SH3KBP1: variants seen among roughly 807,000 people sequenced by gnomAD.
SH3KBP1 encodes SH3 domain containing kinase binding protein 1, also known as SH3 domain-containing kinase-binding protein 1.
Under a neutral mutation model 50.1 loss-of-function variants are expected in SH3KBP1, and 8 were observed. That is an observed-to-expected ratio of 0.16 (90% CI 0.09 to 0.29). SH3KBP1 has a LOEUF of 0.29. SH3KBP1 is among the 10% of genes least tolerant of loss of function. The probability of loss-of-function intolerance (pLI) is 1.00; values close to 1 mark genes in which losing one functional copy is unlikely to be tolerated. For missense variants in SH3KBP1, 377 were observed against 535.2 expected, an observed-to-expected ratio of 0.70 and a Z score of 2.92; for synonymous variants, 227 against 218.6, an observed-to-expected ratio of 1.04 and a Z score of -0.34.
Position 19,569,200 on chromosome X carries a change from A to T in SH3KBP1, c.1299-12T>A. 1 of 1,180,731 alleles carries T rather than the reference A, an allele frequency of 8.5e-7. No individual in the cohort carries two copies. The highest frequency in any genetic ancestry group is 1.8e-5 in the South Asian group (1 of 56,220). On this transcript the variant is annotated splice_polypyrimidine_tract_variant and intron_variant, in intron 12 of 17. Coordinates refer to ENST00000397821, the MANE Select transcript of SH3KBP1 (RefSeq NM_031892.3). ...TTGGACTGTCACCCCTACATTAAAA[A>T]CACAAGCCCAGACATTTAATAATTG...
At chrX:19,830,343 A>G (rs2067833220) in intron 2 of SH3KBP1, among the ~76,000 whole-genome samples, 1 of 96,636 alleles carries the variant, frequency 1.0e-5, no homozygotes, top group Non-Finnish European at 2.0e-5. Context: ...ACGTAGAAAC[A>G]AAAAAAAAAA....
In SH3KBP1 at chrX:19,776,795, C is replaced by T. The variant is rs1468761893; in HGVS notation, c.163-30354G>A. On this transcript the variant is annotated intron_variant, in intron 2 of 17. Coordinates refer to ENST00000397821, the MANE Select transcript of SH3KBP1 (RefSeq NM_031892.3). ...TCTCAAACTCCTGGCCTCAAGTGAT[C>T]CTCCTGCCTCAGCCTCCCAAAGCAC... Among the ~76,000 whole-genome samples, 12 of 110,004 alleles carry T rather than the reference C, an allele frequency of 1.1e-4. No homozygotes were observed. The Admixed American group carries it at 1.2e-3, about 11-fold the overall frequency.
chrX:19,723,907 G>C (rs372343349), intron 3 of SH3KBP1, among the ~76,000 whole-genome samples: 1 of 110,901 alleles, frequency 9.0e-6, no homozygotes. Context: ...TCCAGAAAAG[G>C]GCAGATTATT....
At chrX:19,572,363 T>C (rs1443779352) in intron 12 of SH3KBP1, among the ~76,000 whole-genome samples, 2 of 100,400 alleles carry the variant, frequency 2.0e-5, no homozygotes, top group Admixed American at 1.1e-4. Context: ...TATGTATATA[T>C]AGTACATATA....
intron 11 of SH3KBP1, among the ~76,000 whole-genome samples, chrX:19,591,596 C>T (rs767615468): frequency 1.8e-5 from 2 of 111,877 alleles, no homozygotes; most frequent in African/African-American, 6.5e-5. Flanking sequence ...TACCCAGAGT[C>T]AAGGGTCCAT....
At chrX:19,552,453 G>A (rs2065269827) in intron 13 of SH3KBP1, among the ~76,000 whole-genome samples, 1 of 110,434 alleles carries the variant, frequency 9.1e-6, no homozygotes, top group Non-Finnish European at 1.9e-5. Flanking sequence ...AAAAACCCAA[G>A]GAGCAGATGC....
chrX:19,684,246 A>G (rs775390326), intron 5 of SH3KBP1, among the ~76,000 whole-genome samples: 5 of 112,185 alleles, frequency 4.5e-5, no homozygotes, highest in Admixed American at 9.4e-5. Context: ...GTGAATCAAA[A>G]CAACTTTTCA....
chrX:19,784,833 T>C (rs1303420886), intron 2 of SH3KBP1, among the ~76,000 whole-genome samples: 2 of 110,664 alleles, frequency 1.8e-5, no homozygotes, highest in African/African-American at 6.6e-5. Flanking sequence ...GGTCTCAAAC[T>C]CCTGACCTCA....
intron 6 of SH3KBP1, among the ~76,000 whole-genome samples, chrX:19,665,238 T>G (rs979203585): frequency 8.9e-6 from 1 of 112,249 alleles, no homozygotes; most frequent in Non-Finnish European, 1.9e-5. Context: ...AATGAGGCAG[T>G]AAATCCATCT....
chrX:19,653,459 TC>T (rs2062178229), intron 6 of SH3KBP1, among the ~76,000 whole-genome samples: 1 of 110,187 alleles, frequency 9.1e-6, no homozygotes, highest in Non-Finnish European at 1.9e-5. Flanking sequence ...ACGCCTGTAA[TC>T]CCAGCACTTT....
In SH3KBP1 at chrX:19,763,759, T is replaced by C. The variant is rs148010757; in HGVS notation, c.163-17318A>G. The stretch of plus-strand genomic sequence containing the variant: ...AAAGTAGGCCGGGCACGGTGGCTCA[T>C]GCCTGTAATCCCAGCACTTTGGGAG... On this transcript the variant is annotated intron_variant, in intron 2 of 17. Coordinates refer to ENST00000397821, the MANE Select transcript of SH3KBP1 (RefSeq NM_031892.3). 1.3e-3 allele frequency among the ~76,000 whole-genome samples: 147 copies of C among 111,413 alleles called. No individual in the cohort carries two copies. In the East Asian group the frequency reaches 0.023, roughly 18 times the overall value.
rs146482052 is a variant in SH3KBP1, at chrX:19,884,339, A to T, written c.4+2968T>A. ...AGATCAACAAACATTGGATGGATGG[A>T]TGGATGGATAGATGAACAAATACTG... On this transcript the variant is annotated intron_variant, in intron 1 of 17. Coordinates refer to ENST00000397821, the MANE Select transcript of SH3KBP1 (RefSeq NM_031892.3). Among the ~76,000 whole-genome samples the T allele has an allele frequency of 8.6e-3, 967 of 112,852 alleles. 13 individuals are homozygous for T. The highest frequency in any genetic ancestry group is 0.03 in the African/African-American group (920 of 31,083).
At chrX:19,572,825 T>A in intron 12 of SH3KBP1, among the ~76,000 whole-genome samples, 1 of 112,332 alleles carries the variant, frequency 8.9e-6, no homozygotes, top group Non-Finnish European at 1.9e-5. Context: ...CTAACAAGAA[T>A]GAATGCTTAC....
At chrX:19,878,742 A>C (rs181056044) in intron 1 of SH3KBP1, among the ~76,000 whole-genome samples, 86 of 110,806 alleles carry the variant, frequency 7.8e-4, no homozygotes, top group African/African-American at 2.6e-3. Flanking sequence ...GGTGATTTTA[A>C]AAAAAGAAAG....
chrX:19,594,880 G>C (rs1225673088), intron 10 of SH3KBP1, 69 bp downstream of exon 10: 1 of 830,685 alleles, frequency 1.2e-6, no homozygotes, highest in Admixed American at 2.2e-5. Context: ...ACTCTACACT[G>C]AGGATGATTT....
At chrX:19,804,557 AGT>A (rs2066977213) in intron 2 of SH3KBP1, among the ~76,000 whole-genome samples, 1 of 111,185 alleles carries the variant, frequency 9.0e-6, no homozygotes, top group Non-Finnish European at 1.9e-5. Context: ...TGATTCCAAC[AGT>A]GAAGTTTTCA....
At chrX:19,540,941 G>A (rs753170008) in intron 16 of SH3KBP1, among the ~76,000 whole-genome samples, 2 of 109,198 alleles carry the variant, frequency 1.8e-5, no homozygotes, top group African/African-American at 6.7e-5. Flanking sequence ...TTTAGACGGA[G>A]TCTCGCTCTG....
intron 12 of SH3KBP1, among the ~76,000 whole-genome samples, chrX:19,583,185 C>T: frequency 9.5e-6 from 1 of 105,445 alleles, no homozygotes. Context: ...CGCAGTTTCA[C>T]TCTTGTTGCC....
intron 3 of SH3KBP1, among the ~76,000 whole-genome samples, chrX:19,730,709 A>G (rs985266172): frequency 9.0e-6 from 1 of 111,566 alleles, no homozygotes; most frequent in Admixed American, 9.5e-5. Flanking sequence ...TCATAATACT[A>G]GGTTCCTGAC....
Sources: allele counts gnomAD v4.1 joint callset (sites outside exome capture counted in the v4.1 genomes callset), GRCh38; gene constraint gnomAD v4.1.1; transcripts MANE v1.5; gene names NCBI Gene and HGNC (gene_info 2026-07-23, HGNC 2026-07-21).